Variants in CDH4 observed in about 807,000 individuals in gnomAD.
CDH4 encodes cadherin 4.
In CDH4, 33 loss-of-function variants were observed where a neutral mutation model predicts 86.0. The observed-to-expected ratio is 0.38, with a 90% CI of 0.29 to 0.51. CDH4 has a LOEUF of 0.51. Among genes scored for constraint, CDH4 ranks in the 20% least tolerant of loss-of-function variants. CDH4 has a pLI of 0.86. For missense variants in CDH4, 1,114 were observed against 1,307.4 expected (o/e 0.85, Z 2.28); for synonymous variants, 555 against 549.4 (o/e 1.01, Z -0.14).
chr20:61,427,284 C>A (rs1426042781), intron 2 of CDH4, among the ~76,000 whole-genome samples: 1 of 152,146 alleles, frequency 6.6e-6, no homozygotes, highest in Non-Finnish European at 1.5e-5. Context: ...GCACAGCCTG[C>A]CTGATTGGGA....
At chr20:61,901,017 C>T (rs1280857026) in intron 8 of CDH4, among the ~76,000 whole-genome samples, 9 of 152,236 alleles carry the variant, frequency 5.9e-5, no homozygotes, top group African/African-American at 2.2e-4. Flanking sequence ...CACAGATGAG[C>T]TGCTGACAGG....
intron 2 of CDH4, among the ~76,000 whole-genome samples, chr20:61,455,008 TA>T (rs1429792974): frequency 6.6e-6 from 1 of 152,198 alleles, no homozygotes; most frequent in Non-Finnish European, 1.5e-5. Flanking sequence ...ACCTTTTTAA[TA>T]TAATTCAGTG....
rs142636191 is a variant in CDH4, at chr20:61,259,141, T to C, written c.169+4204T>C. Among the ~76,000 whole-genome samples, 23 of 152,330 alleles carry C rather than the reference T, an allele frequency of 1.5e-4. No individual in the cohort carries two copies. The East Asian group carries it at 4.4e-3, about 29-fold the overall frequency. On this transcript the variant is annotated intron_variant, in intron 2 of 15. Transcript: ENST00000614565. The stretch of plus-strand genomic sequence containing the variant: ...CCCAGTGCTGTACCCGAAGCAGAGT[T>C]GACAGACAGTGAATTGCTGAATGAG...
chr20:61,925,319 G>A (rs749452804), intron 11 of CDH4, among the ~76,000 whole-genome samples: 18 of 152,322 alleles, frequency 1.2e-4, no homozygotes, highest in Middle Eastern at 6.8e-3. Flanking sequence ...GAGGCAGGGC[G>A]GGTGGGAGCA....
intron 7 of CDH4, 121 bp from the exon 8 acceptor site, chr20:61,894,789 A>G (rs1985020888): frequency 2.8e-6 from 3 of 1,078,028 alleles, no homozygotes; most frequent in Admixed American, 4.7e-5. Context: ...CACAGCCCCC[A>G]GTGAAAGAGA....
At chr20:61,352,974 G>A (rs11698923) in intron 2 of CDH4, among the ~76,000 whole-genome samples, 74,876 of 151,778 alleles carry the variant, frequency 0.49, 18,972 homozygotes, top group Middle Eastern at 0.67. Flanking sequence ...GTGGCATGCC[G>A]GACCAAGGGG....
intron 2 of CDH4, among the ~76,000 whole-genome samples, chr20:61,489,322 G>T (rs998314596): frequency 2.6e-5 from 4 of 152,162 alleles, no homozygotes; most frequent in African/African-American, 9.7e-5. Flanking sequence ...AAATGTATTG[G>T]GTTGGTGCAA....
chr20:61,330,061 C>T (rs1423878472), intron 2 of CDH4, among the ~76,000 whole-genome samples: 1 of 152,068 alleles, frequency 6.6e-6, no homozygotes, highest in Non-Finnish European at 1.5e-5. Context: ...TGTATATGTA[C>T]CACATTTTCT....
chr20:61,678,504 C>T (rs2087471788), intron 2 of CDH4, among the ~76,000 whole-genome samples: 2 of 152,218 alleles, frequency 1.3e-5, no homozygotes, highest in Admixed American at 1.3e-4. Flanking sequence ...GGCGCAATGA[C>T]ACCAGGTAGC....
intron 4 of CDH4, among the ~76,000 whole-genome samples, chr20:61,801,273 G>C (rs1278567578): frequency 6.6e-6 from 1 of 152,118 alleles, no homozygotes; most frequent in African/African-American, 2.4e-5. Flanking sequence ...GGGGGAGTGG[G>C]GTCAGGCAGC....
At position 61,703,285 on chromosome 20, in the gene CDH4, CATCATGAGGCA is replaced by C. The variant is rs2087795418; in HGVS notation, c.170-40277_170-40267del. The stretch of plus-strand genomic sequence containing the variant: ...GCTGCTCTGAGCACAGAGACCTGAG[CATCATGAGGCA>C]TTCATCCTAGTTTAAGGAGACGGGC... On this transcript the variant is annotated intron_variant, in intron 2 of 15. Coordinates refer to ENST00000614565, the MANE Select transcript of CDH4 (RefSeq NM_001794.5). The surrounding 1 kb of genome is among the most constrained non-coding windows in gnomAD (Gnocchi z 4.3). Among the ~76,000 whole-genome samples the C allele has an allele frequency of 6.6e-6, 1 of 152,082 alleles. No homozygotes were observed. The highest frequency in any genetic ancestry group is 1.5e-5 in the Non-Finnish European group (1 of 68,030).
intron 2 of CDH4, among the ~76,000 whole-genome samples, chr20:61,457,600 T>A (rs962102816): frequency 6.6e-6 from 1 of 152,112 alleles, no homozygotes; most frequent in African/African-American, 2.4e-5. Flanking sequence ...ATGGTCATGA[T>A]CATGATGGTG....
At chr20:61,620,558 G>C (rs1276377851) in intron 2 of CDH4, among the ~76,000 whole-genome samples, 3 of 152,218 alleles carry the variant, frequency 2.0e-5, no homozygotes, top group Non-Finnish European at 4.4e-5. Flanking sequence ...GAGATACATG[G>C]AGAAATAAAG....
At chr20:61,580,870 G>A (rs1170084814) in intron 2 of CDH4, among the ~76,000 whole-genome samples, 1 of 152,232 alleles carries the variant, frequency 6.6e-6, no homozygotes, top group Non-Finnish European at 1.5e-5. Flanking sequence ...TCCTCCAGGA[G>A]TGGATGTGAG....
chr20:61,859,732 T>TTATTGG (rs1205009919), intron 6 of CDH4, among the ~76,000 whole-genome samples: 2 of 152,238 alleles, frequency 1.3e-5, no homozygotes, highest in African/African-American at 4.8e-5. Context: ...GTTCCTAGGT[T>TTATTGG]TATTGGTCTG....
intron 5 of CDH4, among the ~76,000 whole-genome samples, chr20:61,847,098 A>G (rs1166064877): frequency 1.3e-5 from 2 of 152,174 alleles, no homozygotes; most frequent in Non-Finnish European, 2.9e-5. Flanking sequence ...GGAAACCTGG[A>G]GCTCAGAGCT....
intron 2 of CDH4, among the ~76,000 whole-genome samples, chr20:61,526,173 C>G (rs1047734284): frequency 6.6e-6 from 1 of 150,734 alleles, no homozygotes; most frequent in African/African-American, 2.5e-5. Flanking sequence ...GGTGCCCCTC[C>G]CCCTCCCCGG....
At chr20:61,905,533 GC>G (rs2054779678) in intron 8 of CDH4, among the ~76,000 whole-genome samples, 1 of 152,210 alleles carries the variant, frequency 6.6e-6, no homozygotes, top group East Asian at 1.9e-4. Flanking sequence ...GGAGCTTCAG[GC>G]ACGGCCGCTC....
intron 2 of CDH4, among the ~76,000 whole-genome samples, chr20:61,520,085 ATCT>A (rs1286539469): frequency 3.3e-5 from 5 of 152,174 alleles, no homozygotes; most frequent in Admixed American, 3.3e-4. Context: ...TCTACCAAGC[ATCT>A]TCTTTGGGAA....
Sources: allele counts gnomAD v4.1 joint callset (sites outside exome capture counted in the v4.1 genomes callset), GRCh38; gene constraint gnomAD v4.1.1; non-coding constraint Gnocchi (gnomAD v3.1); transcripts MANE v1.5; gene names NCBI Gene and HGNC (gene_info 2026-07-23, HGNC 2026-07-21).